The following PHACTR4 variants were observed in gnomAD, a reference collection of about 807,000 sequenced individuals.
PHACTR4 encodes phosphatase and actin regulator 4, also known as protein phosphatase 1, regulatory subunit 124.
In PHACTR4, 51 loss-of-function variants were observed where a neutral mutation model predicts 72.7. That is an observed-to-expected ratio of 0.70 (90% CI 0.56 to 0.89). PHACTR4 has a LOEUF of 0.89. Among genes scored for constraint, PHACTR4 ranks in the 40% least tolerant of loss-of-function variants. The pLI is 0.00. For missense variants in PHACTR4, 731 were observed against 861.8 expected, an observed-to-expected ratio of 0.85 and a Z score of 1.90; for synonymous variants, 255 against 302.5, an observed-to-expected ratio of 0.84 and a Z score of 1.63.
At chr1:28,393,409 T>C (rs1196704854) in intron 1 of PHACTR4, among the ~76,000 whole-genome samples, 1 of 152,144 alleles carries the variant, frequency 6.6e-6, no homozygotes, top group Non-Finnish European at 1.5e-5. Flanking sequence ...AACACTTCTG[T>C]CAATGCTGGA....
chr1:28,404,011 T>C (rs1654126791), intron 1 of PHACTR4, among the ~76,000 whole-genome samples: 1 of 152,226 alleles, frequency 6.6e-6, no homozygotes, highest in Admixed American at 6.6e-5. Context: ...TTATGAATAA[T>C]GCTGCTATGA....
At chr1:28,442,280 A>G (rs981247240) in intron 2 of PHACTR4, among the ~76,000 whole-genome samples, 4 of 151,952 alleles carry the variant, frequency 2.6e-5, no homozygotes, top group Non-Finnish European at 5.9e-5. Context: ...CCTGGCCAAC[A>G]TGGTGAAACC....
At chr1:28,404,458 T>C (rs1654180145) in intron 1 of PHACTR4, among the ~76,000 whole-genome samples, 1 of 151,550 alleles carries the variant, frequency 6.6e-6, no homozygotes, top group Non-Finnish European at 1.5e-5. Context: ...AATTTTTGTA[T>C]TTTTAGTAGA....
intron 1 of PHACTR4, among the ~76,000 whole-genome samples, chr1:28,391,284 A>G (rs1005050741): frequency 1.2e-4 from 18 of 150,658 alleles, no homozygotes; most frequent in Non-Finnish European, 2.7e-4. Flanking sequence ...CTGTAGTCCC[A>G]GCTACTCGGG....
intron 2 of PHACTR4, among the ~76,000 whole-genome samples, chr1:28,442,268 AC>A (rs918066768): frequency 2.6e-5 from 4 of 151,964 alleles, no homozygotes; most frequent in Non-Finnish European, 1.5e-5. Flanking sequence ...AGATGAGACA[AC>A]CCTGGCCAAC....
In PHACTR4 at chr1:28,469,129, C is replaced by T. The variant is rs1388259501; in HGVS notation, c.823+2361C>T. ...ACTCTCTTTTATTCTAAAATTACAA[C>T]CTTCCTAATCCTTTGGTGTTAAAAT... is the stretch of plus-strand genomic sequence containing the variant. On this transcript the variant is annotated intron_variant, in intron 6 of 13. Transcript: ENST00000373839. Among the ~76,000 whole-genome samples the T allele has an allele frequency of 3.9e-5, 6 of 152,150 alleles. No homozygotes were observed. In the South Asian group the frequency reaches 6.2e-4, roughly 16 times the overall value.
At chr1:28,442,716 G>A (rs933171770) in intron 2 of PHACTR4, among the ~76,000 whole-genome samples, 3 of 151,992 alleles carry the variant, frequency 2.0e-5, no homozygotes, top group African/African-American at 7.2e-5. Flanking sequence ...ATGTTGGCCA[G>A]GTTGCTTTCA....
Position 28,476,287 on chromosome 1 carries a change from T to A in PHACTR4, c.1602T>A (p.Tyr534Ter). The stretch of plus-strand genomic sequence containing the variant: ...ATGAAGAAGATGAAGATGAAAGCTA[T>A]CAGAGTAAGAAAGGGAGGGAAAAGC... The part of the protein sequence containing the change: ...YRDEEDEDES[Y>*]QSALANKVKR... The change falls in exon 8 of 14, where the codon TAT (tyrosine) becomes TAA (stop). Residue 534 changes from tyrosine to a stop codon, truncating the protein, a stop_gained. Coordinates refer to ENST00000373839, the MANE Select transcript of PHACTR4 (RefSeq NM_001048183.3). LOFTEE classifies it high-confidence loss of function. 1 of 1,594,038 alleles carries A rather than the reference T, an allele frequency of 6.3e-7. No individual in the cohort carries two copies. Among genetic ancestry groups the A allele is most frequent in the Non-Finnish European group, 8.5e-7 (1 of 1,173,954 alleles).
In PHACTR4 at chr1:28,474,017, TC is replaced by T; in HGVS notation, c.1290del (p.Met431Ter). 6.2e-7 allele frequency: 1 copy of T among 1,614,112 alleles called. No individual in the cohort carries two copies. The highest frequency in any genetic ancestry group is 8.5e-7 in the Non-Finnish European group (1 of 1,180,016). On this transcript the variant is annotated frameshift_variant, in exon 7 of 14. Transcript: ENST00000373839. LOFTEE classifies it high-confidence loss of function. ...RIQQALTSPL[P>X]MTPILEGSHR... Reference sequence around the variant, plus strand: ...TCCAGCAGGCCCTCACCAGCCCACTTCCCATGACTCCTATTCTGGAGGGTTC... The same window carrying T: ...TCCAGCAGGCCCTCACCAGCCCACTTCCATGACTCCTATTCTGGAGGGTTC...
chr1:28,467,956 A>T (rs61785966), intron 6 of PHACTR4, among the ~76,000 whole-genome samples: 42,813 of 152,122 alleles, frequency 0.28, 6,203 homozygotes, highest in Middle Eastern at 0.34. Flanking sequence ...AGGAAAAATG[A>T]TACTAGGCTT....
At chr1:28,466,846 A>G (rs1363282781) in intron 6 of PHACTR4, 78 bp downstream of exon 6, 1 of 1,504,894 alleles carries the variant, frequency 6.6e-7, no homozygotes, top group African/African-American at 1.4e-5. Flanking sequence ...AACTGGTACA[A>G]CATTGATTTG....
At chr1:28,490,405 G>A (rs1249247027) in intron 10 of PHACTR4, among the ~76,000 whole-genome samples, 8 of 151,946 alleles carry the variant, frequency 5.3e-5, no homozygotes, top group Admixed American at 1.3e-4. Context: ...GGTGGCGGGC[G>A]CCTGTAGTCC....
intron 2 of PHACTR4, among the ~76,000 whole-genome samples, chr1:28,456,628 A>ATT (rs544714918): frequency 5.1e-4 from 74 of 144,888 alleles, no homozygotes; most frequent in African/African-American, 1.6e-3. Flanking sequence ...TGCCCAACTA[A>ATT]TTTTTTTTTT....
intron 1 of PHACTR4, among the ~76,000 whole-genome samples, chr1:28,395,939 C>G (rs1305592587): frequency 7.0e-6 from 1 of 143,348 alleles, no homozygotes; most frequent in Non-Finnish European, 1.5e-5. Flanking sequence ...GCTGGGATTA[C>G]AGGCGTGAGC....
rs560065217 is a variant in PHACTR4, at chr1:28,402,775, G to A, written c.-38-4635G>A. Among the ~76,000 whole-genome samples the A allele has an allele frequency of 6.6e-5, 10 of 152,244 alleles. No homozygotes were observed. The East Asian group carries it at 1.9e-3, about 29-fold the overall frequency. On this transcript the variant is annotated intron_variant, in intron 1 of 13. Coordinates refer to ENST00000373839, the MANE Select transcript of PHACTR4 (RefSeq NM_001048183.3). Reference sequence around the variant, plus strand: ...CTTCTCCTCTGCAAAAACTACACAGGATTTTTCTAGCAAGACATGCTTCTG... The same window carrying A: ...CTTCTCCTCTGCAAAAACTACACAGAATTTTTCTAGCAAGACATGCTTCTG...
At chr1:28,490,805 T>G in intron 10 of PHACTR4, 146 bp from the exon 11 acceptor site, 3 of 766,496 alleles carry the variant, frequency 3.9e-6, no homozygotes, top group East Asian at 2.8e-5. Context: ...ATTGTACCAT[T>G]GCACTCCAGC....
intron 8 of PHACTR4, among the ~76,000 whole-genome samples, 172 bp from the exon 9 acceptor site, chr1:28,480,279 T>C (rs935833506): frequency 6.6e-6 from 1 of 152,224 alleles, no homozygotes; most frequent in African/African-American, 2.4e-5. Context: ...AAAAGATTTT[T>C]AGGTGTCTTT....
At chr1:28,472,548 A>G (rs913933975) in intron 6 of PHACTR4, among the ~76,000 whole-genome samples, 9 of 152,116 alleles carry the variant, frequency 5.9e-5, no homozygotes, top group Non-Finnish European at 1.3e-4. Context: ...ATACCCACTA[A>G]TACTTATTTT....
chr1:28,487,774 C>A (rs1352856257), intron 9 of PHACTR4, among the ~76,000 whole-genome samples: 1 of 108,828 alleles, frequency 9.2e-6, no homozygotes, highest in Non-Finnish European at 1.7e-5. Flanking sequence ...CTCACTCTGT[C>A]GCCCAAGCAG....
Sources: gnomAD v4.1 joint callset for allele counts (sites outside exome capture counted in the v4.1 genomes callset) on GRCh38, gnomAD v4.1.1 for gene constraint, MANE v1.5 for transcripts, NCBI Gene and HGNC (gene_info 2026-07-23, HGNC 2026-07-21) for gene names.